Variants in UBE3A observed in about 807,000 individuals in gnomAD.
UBE3A encodes ubiquitin-protein ligase E3A.
UBE3A carries 6 observed loss-of-function variants against 83.4 expected under a neutral mutation model. The observed-to-expected ratio is 0.07, with a 90% CI of 0.04 to 0.14. The LOEUF (loss-of-function observed/expected upper bound fraction) is 0.14. Ranked by LOEUF, UBE3A falls within the 10% of genes least tolerant of loss-of-function variation. The pLI is 1.00. For missense variants in UBE3A, 456 were observed against 1,036.1 expected, an observed-to-expected ratio of 0.44 and a Z score of 7.69; for synonymous variants, 337 against 355.4, an observed-to-expected ratio of 0.95 and a Z score of 0.58.
intron 4 of UBE3A, among the ~76,000 whole-genome samples, chr15:25,392,148 C>T (rs910746004): frequency 2.6e-5 from 4 of 152,148 alleles, no homozygotes; most frequent in South Asian, 2.1e-4. Context: ...ACACGAATAA[C>T]GTTCCATGTG....
At chr15:25,436,663 T>C (rs8028635) in intron 1 of UBE3A, among the ~76,000 whole-genome samples, 7,551 of 152,116 alleles carry the variant, frequency 0.05, 234 homozygotes, top group African/African-American at 0.073. Context: ...ACCCAATAAA[T>C]CCTGTTAAAT....
chr15:25,436,362 AAAC>A (rs1895081146), intron 1 of UBE3A, among the ~76,000 whole-genome samples: 1 of 152,234 alleles, frequency 6.6e-6, no homozygotes, highest in Non-Finnish European at 1.5e-5. Flanking sequence ...TTATAAGTCT[AAAC>A]AAAATATGTG....
chr15:25,433,345 G>A (rs887836189), intron 1 of UBE3A, among the ~76,000 whole-genome samples: 1 of 151,958 alleles, frequency 6.6e-6, no homozygotes, highest in African/African-American at 2.4e-5. Flanking sequence ...CACCACGTCC[G>A]GCTAATTTTT....
chr15:25,372,934 G>A (rs1360158928), intron 5 of UBE3A, among the ~76,000 whole-genome samples: 2 of 152,076 alleles, frequency 1.3e-5, no homozygotes, highest in Admixed American at 6.6e-5. Context: ...AATATAAAAT[G>A]TAAGTGATCA....
In UBE3A at chr15:25,395,499, T is replaced by C. The variant is rs542492118; in HGVS notation, c.62+9962A>G. ...GTAGCCAACAAGATTTACCAATAAT[T>C]TGAGTATGTGACATAGAGAAATTAA... On this transcript the variant is annotated intron_variant, in intron 4 of 12. Transcript: ENST00000648336. Among the ~76,000 whole-genome samples, 31 of 152,242 alleles carry C rather than the reference T, an allele frequency of 2.0e-4. No homozygotes were observed. The East Asian group carries it at 3.9e-3, about 19-fold the overall frequency.
intron 9 of UBE3A, among the ~76,000 whole-genome samples, chr15:25,355,418 G>C (rs17115494): frequency 0.11 from 16,227 of 152,112 alleles, 2,437 homozygotes; most frequent in African/African-American, 0.34. Flanking sequence ...TTTTTTGCTT[G>C]TTATGTTCTG....
At chr15:25,433,193 G>GTTTT (rs34825571) in intron 1 of UBE3A, among the ~76,000 whole-genome samples, 10 of 140,670 alleles carry the variant, frequency 7.1e-5, no homozygotes, top group African/African-American at 5.3e-5. Context: ...TTTCTAAAAA[G>GTTTT]TTTTTTTTTT....
chr15:25,391,973 A>G (rs1368831656), intron 4 of UBE3A, among the ~76,000 whole-genome samples: 1 of 152,178 alleles, frequency 6.6e-6, no homozygotes, highest in Non-Finnish European at 1.5e-5. Flanking sequence ...TTTGGGAAAG[A>G]GTGAAGAAGA....
rs1431991081 is a variant in UBE3A, at chr15:25,394,865, C to G, written c.62+10596G>C. Among the ~76,000 whole-genome samples the G allele has an allele frequency of 2.0e-5, 3 of 152,202 alleles. No homozygotes were observed. The East Asian group carries it at 5.8e-4, about 29-fold the overall frequency. On this transcript the variant is annotated intron_variant, in intron 4 of 12. Coordinates refer to ENST00000648336, the MANE Select transcript of UBE3A (RefSeq NM_130839.5). ...GTAGGAAGTAGTTACTGACTACCTA[C>G]TGTATGCCAGGCACTGTCATTAGGC... is the stretch of plus-strand genomic sequence containing the variant.
intron 1 of UBE3A, among the ~76,000 whole-genome samples, chr15:25,431,748 C>T (rs1385508772): frequency 6.6e-6 from 1 of 152,086 alleles, no homozygotes; most frequent in African/African-American, 2.4e-5. Flanking sequence ...CAGGATTTAT[C>T]CATTAGTATA....
At chr15:25,404,637 A>G (rs1443247112) in intron 4 of UBE3A, among the ~76,000 whole-genome samples, 1 of 151,976 alleles carries the variant, frequency 6.6e-6, no homozygotes, top group Admixed American at 6.6e-5. Flanking sequence ...TTTCTCTTCA[A>G]TCCTTTCTCT....
intron 1 of UBE3A, chr15:25,438,074 C>T (rs1895686995): frequency 6.6e-6 from 1 of 152,322 alleles, no homozygotes; most frequent in Non-Finnish European, 1.5e-5. Flanking sequence ...CTAAATATGT[C>T]TTCCCCAAGA....
intron 1 of UBE3A, among the ~76,000 whole-genome samples, chr15:25,414,761 T>G (rs2090579234): frequency 6.6e-6 from 1 of 152,194 alleles, no homozygotes; most frequent in Non-Finnish European, 1.5e-5. Flanking sequence ...CATTCTCACA[T>G]TATTCCCCAG....
At chr15:25,403,722 T>C (rs2087737689) in intron 4 of UBE3A, among the ~76,000 whole-genome samples, 1 of 152,048 alleles carries the variant, frequency 6.6e-6, no homozygotes, top group African/African-American at 2.4e-5. Context: ...AACAGGTAAA[T>C]GGATAAGCAA....
intron 11 of UBE3A, among the ~76,000 whole-genome samples, chr15:25,341,881 C>A (rs1226726569): frequency 6.6e-6 from 1 of 151,548 alleles, no homozygotes; most frequent in Non-Finnish European, 1.5e-5. Flanking sequence ...TTCTAATATC[C>A]CAACATACTA....
At chr15:25,437,902 C>A (rs1323592857) in intron 1 of UBE3A, among the ~76,000 whole-genome samples, 2 of 152,230 alleles carry the variant, frequency 1.3e-5, no homozygotes, top group South Asian at 4.2e-4. Context: ...TATAACACAG[C>A]AGTCTCTGGC....
rs1555395623 is a variant in UBE3A at position 25,364,646 on chromosome 15, T to TTTG, written c.1609-4120_1609-4119insCAA. ...GGATTTTTAGGGTTTTTTTTGTTTG[T>TTTG]TTTTTTTTTTTTTTTGAGACGGAGT... is the stretch of plus-strand genomic sequence containing the variant. On this transcript the variant is annotated intron_variant, in intron 6 of 12. Coordinates refer to ENST00000648336, the MANE Select transcript of UBE3A (RefSeq NM_130839.5). 1.4e-4 allele frequency among the ~76,000 whole-genome samples: 11 copies of TTTG among 80,618 alleles called. 1 individual carries two copies. Among genetic ancestry groups the TTTG allele is most frequent in the African/African-American group, 5.4e-4 (11 of 20,402 alleles). 52.9% of individuals were successfully genotyped at this position (80,618 alleles called of 152,430 possible). A position where few individuals can be genotyped will look rare whatever the true frequency, so the allele number is the denominator to read the frequency against.
chr15:25,341,620 G>C lies in UBE3A; in HGVS notation c.2355-1392C>G, dbSNP rs188403575. ...CTCTACTAAAATACAAAAATTAGCC[G>C]GGCGTGGTGGCAGATGCCTGTAATC... is the stretch of plus-strand genomic sequence containing the variant. On this transcript the variant is annotated intron_variant, in intron 11 of 12. Coordinates refer to ENST00000648336, the MANE Select transcript of UBE3A (RefSeq NM_130839.5). Among the ~76,000 whole-genome samples, 287 of 151,042 alleles carry C rather than the reference G, an allele frequency of 1.9e-3. 2 individuals carry two copies. The highest frequency in any genetic ancestry group is 6.6e-3 in the African/African-American group (274 of 41,322).
At chr15:25,341,637 C>T (rs2074820726) in intron 11 of UBE3A, among the ~76,000 whole-genome samples, 1 of 151,124 alleles carries the variant, frequency 6.6e-6, no homozygotes, top group Non-Finnish European at 1.5e-5. Flanking sequence ...GTGGCAGATG[C>T]CTGTAATCTC....
Sources: gnomAD v4.1 joint callset for allele counts (sites outside exome capture counted in the v4.1 genomes callset) on GRCh38, gnomAD v4.1.1 for gene constraint, MANE v1.5 for transcripts, NCBI Gene and HGNC (gene_info 2026-07-23, HGNC 2026-07-21) for gene names.